CYGB: variants seen among roughly 807,000 people sequenced by gnomAD.
CYGB encodes the protein histoglobin.
CYGB carries 13 observed loss-of-function variants against 20.7 expected under a neutral mutation model. That is an observed-to-expected ratio of 0.63 (90% CI 0.41 to 1.00). The LOEUF is 1.00. CYGB is among the 50% of genes least tolerant of loss of function. CYGB has a pLI of 0.00. For synonymous variants in CYGB, 93 were observed against 107.4 expected (o/e 0.87, Z 0.83); for missense variants, 218 against 257.2 (o/e 0.85, Z 1.04).
At position 76,528,022 on chromosome 17, in the gene CYGB, G is replaced by C. The variant is rs2074787389; in HGVS notation, c.*556C>G. The C allele has an allele frequency of 2.7e-6, 1 of 366,964 alleles. No homozygotes were observed. The highest frequency in any genetic ancestry group is 2.1e-5 in the African/African-American group (1 of 47,116). 22.7% of individuals were successfully genotyped at this position (366,964 alleles called of 1,614,324 possible). ...GATTTCCTCTTTGCCAGAACACTCT[G>C]TTCTCTGCACAACCGGAACCCCTCC... On this transcript the variant is annotated 3_prime_UTR_variant, in exon 4 of 4. Transcript: ENST00000293230. This position sits in a 1 kb window ranked among gnomAD's most constrained non-coding sequence, Gnocchi z 5.8.
chr17:76,543,300 A>G (rs1431115398), intron 1 of CYGB: 3 of 351,144 alleles, frequency 8.5e-6, no homozygotes, highest in Non-Finnish European at 1.7e-5. Flanking sequence ...GCTGAGCCTG[A>G]GAAAGCCTAG....
chr17:76,535,994 G>A (rs965338080), intron 1 of CYGB, among the ~76,000 whole-genome samples: 1 of 152,318 alleles, frequency 6.6e-6, no homozygotes, highest in Admixed American at 6.5e-5. Context: ...GGCACCCTCC[G>A]AGGACGCAGT....
chr17:76,537,412 G>A lies in CYGB; in HGVS notation c.131C>T (p.Ala44Val). Residue 44 changes from alanine (A) to valine (V), a missense_variant, in exon 1 of 4, where the codon GCC becomes GTC. Around this residue, in one of 2 missense-constraint regions of CYGB, gnomAD observed 152 missense variants for 149.9 expected, o/e 1.01. Coordinates refer to ENST00000293230, the MANE Select transcript of CYGB (RefSeq NM_134268.5). ...LYANCEDVGV[A>V]ILVRFFVNFP... ...GGGCGACACCTACCTCACCAGGATG[G>A]CCACCCCCACGTCCTCGCAGTTGGC... 1 of 1,596,002 alleles carries A rather than the reference G, an allele frequency of 6.3e-7. No homozygotes were observed. Among genetic ancestry groups the A allele is most frequent in the Non-Finnish European group, 8.5e-7 (1 of 1,171,734 alleles).
At chr17:76,544,475 C>T (rs1421842138) in intron 1 of CYGB, 1 of 455,652 alleles carries the variant, frequency 2.2e-6, no homozygotes, top group Non-Finnish European at 4.4e-6. Flanking sequence ...GGGAGCCTGG[C>T]TGGGGTGTGT....
chr17:76,537,349 G>T, intron 1 of CYGB, 51 bp downstream of exon 1: 3 of 1,523,430 alleles, frequency 2.0e-6, no homozygotes, highest in Middle Eastern at 1.8e-4. Context: ...TCTGCCCGGA[G>T]CCGCTGCCGC....
In CYGB at chr17:76,530,068, G is replaced by T; in HGVS notation, c.539+911C>A. ...GTCTTGGGGGCCCGTGCAGAGCCCG[G>T]CGGGAGACGCCGCCTTTTCCATGGG... On this transcript the variant is annotated intron_variant, in intron 3 of 3. Coordinates refer to ENST00000293230, the MANE Select transcript of CYGB (RefSeq NM_134268.5). This position sits in a 1 kb window ranked among gnomAD's most constrained non-coding sequence, Gnocchi z 6.1. 1 of 985,336 alleles carries T rather than the reference G, an allele frequency of 1.0e-6. No homozygotes were observed. The highest frequency in any genetic ancestry group is 1.2e-6 in the Non-Finnish European group (1 of 829,872). 61.0% of individuals were successfully genotyped at this position (985,336 alleles called of 1,614,324 possible).
In CYGB at chr17:76,537,625, G is replaced by A. The variant is rs1033288655; in HGVS notation, c.-83C>T. Reference sequence around the variant, plus strand: ...CGCGGGGCGCGGGGCGCCGGGAGCCGGGGCCGGCTGCGTGCGCGGCGGGCG... The same window carrying A: ...CGCGGGGCGCGGGGCGCCGGGAGCCAGGGCCGGCTGCGTGCGCGGCGGGCG... On this transcript the variant is annotated 5_prime_UTR_variant, in exon 1 of 4. Transcript: ENST00000293230. 1.3e-5 allele frequency: 13 copies of A among 981,252 alleles called. No homozygotes were observed. The highest frequency in any genetic ancestry group is 1.2e-4 in the African/African-American group (7 of 56,450). The allele number at this position is 981,252 out of a possible 1,614,324, so 60.8% of individuals were successfully genotyped here.
chr17:76,536,370 G>A (rs1024580759), intron 1 of CYGB, among the ~76,000 whole-genome samples: 7 of 152,250 alleles, frequency 4.6e-5, no homozygotes, highest in South Asian at 2.1e-4. Context: ...CTTCCAGAGC[G>A]AGGCTTCACC....
At chr17:76,542,361 G>A (rs967951274), upstream of CYGB, among the ~76,000 whole-genome samples, 1 of 152,210 alleles carries the variant, frequency 6.6e-6, no homozygotes, top group Admixed American at 6.5e-5. Flanking sequence ...TGGCTGCCGT[G>A]GAAGGCTGGC....
At chr17:76,539,894 C>T (rs559778956), upstream of CYGB, 20 of 586,554 alleles carry the variant, frequency 3.4e-5, no homozygotes, top group Middle Eastern at 4.5e-4. Context: ...ACTCCGAATA[C>T]GTGCTCAATG....
rs201348972 is a variant in CYGB at position 76,529,664 on chromosome 17, C to T, written c.540-1053G>A. On this transcript the variant is annotated intron_variant, in intron 3 of 3. Transcript: ENST00000293230. Reference sequence around the variant, plus strand: ...GGAGAGGGGTGGGAGGGCAGGCAAGCCCCCTCCCCTCCTCTTCCCCTGTCT... The same window carrying T: ...GGAGAGGGGTGGGAGGGCAGGCAAGTCCCCTCCCCTCCTCTTCCCCTGTCT... 5.1e-6 allele frequency: 5 copies of T among 985,296 alleles called. No individual in the cohort carries two copies. In the East Asian group the frequency reaches 5.7e-4, roughly 112 times the overall value. The allele number at this position is 985,296 out of a possible 1,614,324, so 61.0% of individuals were successfully genotyped here. A position where few individuals can be genotyped will look rare whatever the true frequency, so the allele number is the denominator to read the frequency against.
intron 1 of CYGB, chr17:76,543,801 A>C (rs1033161853): frequency 2.5e-5 from 12 of 470,808 alleles, no homozygotes; most frequent in Non-Finnish European, 4.8e-5. Flanking sequence ...GCCTTTCCCC[A>C]GTTCCCAGAG....
chr17:76,537,387 G>A lies in CYGB; in HGVS notation c.143+13C>T. ...TCCCTGCCCAGGGCCCGGCCGGGCC[G>A]GGCGACACCTACCTCACCAGGATGG... is the stretch of plus-strand genomic sequence containing the variant. On this transcript the variant is annotated intron_variant, in intron 1 of 3. Coordinates refer to ENST00000293230, the MANE Select transcript of CYGB (RefSeq NM_134268.5). 1.9e-6 allele frequency: 3 copies of A among 1,582,420 alleles called. No individual in the cohort carries two copies. Among genetic ancestry groups the A allele is most frequent in the Non-Finnish European group, 2.6e-6 (3 of 1,165,876 alleles).
chr17:76,529,532 C>G, intron 3 of CYGB: 1 of 985,466 alleles, frequency 1.0e-6, no homozygotes, highest in Non-Finnish European at 1.2e-6. Context: ...AGCCAGCTCT[C>G]TTTCCAGTCT....
Position 76,528,717 on chromosome 17 carries a change from G to C in CYGB, c.540-106C>G. 8.9e-7 allele frequency: 1 copy of C among 1,127,972 alleles called. No individual in the cohort carries two copies. The highest frequency in any genetic ancestry group is 1.1e-6 in the Non-Finnish European group (1 of 879,604). 69.9% of individuals were successfully genotyped at this position (1,127,972 alleles called of 1,614,324 possible). A position where few individuals can be genotyped will look rare whatever the true frequency, so the allele number is the denominator to read the frequency against. ...GCTGGCGAGGCTCACTTCCTGCCAA[G>C]AGATCCGGCACAGTGCAGTTGAAAG... On this transcript the variant is annotated intron_variant, in intron 3 of 3. Transcript: ENST00000293230. This position sits in a 1 kb window ranked among gnomAD's most constrained non-coding sequence, Gnocchi z 5.8.
At chr17:76,539,026 G>A (rs1490868900), upstream of CYGB, among the ~76,000 whole-genome samples, 2 of 152,236 alleles carry the variant, frequency 1.3e-5, no homozygotes, top group South Asian at 4.1e-4. Flanking sequence ...TGGGAGCTCA[G>A]GGTTCAGGTG....
At position 76,528,474 on chromosome 17, in the gene CYGB, T is replaced by C; in HGVS notation, c.*104A>G. ...CCTTCGGGGAAGTTGAGTCAGGGAT[T>C]CCTCCAGCTTCCTTGGCACCCAGAA... On this transcript the variant is annotated 3_prime_UTR_variant, in exon 4 of 4. Transcript: ENST00000293230. The surrounding 1 kb of genome is among the most constrained non-coding windows in gnomAD (Gnocchi z 5.8). 9.4e-7 allele frequency: 1 copy of C among 1,065,050 alleles called. No individual in the cohort carries two copies. Among genetic ancestry groups the C allele is most frequent in the Non-Finnish European group, 1.2e-6 (1 of 814,160 alleles). 66.0% of individuals were successfully genotyped at this position (1,065,050 alleles called of 1,614,324 possible). A position where few individuals can be genotyped will look rare whatever the true frequency, so the allele number is the denominator to read the frequency against.
In CYGB at chr17:76,530,964, C is replaced by T. The variant is rs759957930; in HGVS notation, c.539+15G>A. On this transcript the variant is annotated intron_variant, in intron 3 of 3. Transcript: ENST00000293230. The surrounding 1 kb of genome is among the most constrained non-coding windows in gnomAD (Gnocchi z 6.1). ...GCGGGGAGGCTGCCCAGCCCACCCT[C>T]GCCCGCCTCCTCACGTGGTGGCGTT... 5.2e-5 allele frequency: 82 copies of T among 1,564,282 alleles called. No individual in the cohort carries two copies. Among genetic ancestry groups the T allele is most frequent in the Admixed American group, 7.4e-5 (4 of 54,348 alleles).
In CYGB at chr17:76,528,028, T is replaced by C. The variant is rs867310897; in HGVS notation, c.*550A>G. 2.7e-6 allele frequency: 1 copy of C among 367,408 alleles called. No homozygotes were observed. Among genetic ancestry groups the C allele is most frequent in the Non-Finnish European group, 5.3e-6 (1 of 188,558 alleles). 22.8% of individuals were successfully genotyped at this position (367,408 alleles called of 1,614,324 possible). A position where few individuals can be genotyped will look rare whatever the true frequency, so the allele number is the denominator to read the frequency against. On this transcript the variant is annotated 3_prime_UTR_variant, in exon 4 of 4. Coordinates refer to ENST00000293230, the MANE Select transcript of CYGB (RefSeq NM_134268.5). The surrounding 1 kb of genome is among the most constrained non-coding windows in gnomAD (Gnocchi z 5.8). ...CTCTTTGCCAGAACACTCTGTTCTC[T>C]GCACAACCGGAACCCCTCCCTGCCC...
Sources: allele counts gnomAD v4.1 joint callset (sites outside exome capture counted in the v4.1 genomes callset), GRCh38; gene constraint gnomAD v4.1.1; regional missense constraint gnomAD v4.1.1; non-coding constraint Gnocchi (gnomAD v3.1); transcripts MANE v1.5; gene names NCBI Gene and HGNC (gene_info 2026-07-23, HGNC 2026-07-21).